The following TCEAL9 variants were observed in gnomAD, a reference collection of about 807,000 sequenced individuals.
The protein encoded by TCEAL9 is transcription elongation factor A like 9.
Under a neutral mutation model 5.2 loss-of-function variants are expected in TCEAL9, and 2 were observed. That is an observed-to-expected ratio of 0.38 (90% CI 0.16 to 1.21). The LOEUF is 1.21. TCEAL9 is among the 50% of genes most tolerant of loss of function. TCEAL9 has a pLI of 0.35. For missense variants in TCEAL9, 76 were observed against 74.2 expected, an observed-to-expected ratio of 1.02 and a Z score of -0.09; for synonymous variants, 26 against 22.3, an observed-to-expected ratio of 1.17 and a Z score of -0.47.
chrX:103,357,892 A>T lies in TCEAL9; in HGVS notation c.208A>T (p.Met70Leu), dbSNP rs1353811222. The change falls in exon 3 of 3, where the codon ATG becomes TTG. Residue 70 changes from methionine to leucine, a missense_variant. Transcript: ENST00000372661. ...IHNRHLSNED[M>L]FREVDEIDEI... Reference sequence around the variant, plus strand: ...CAACAGGCATTTAAGCAATGAAGATATGTTTAGAGAAGTGGATGAAATAGA... The same window carrying T: ...CAACAGGCATTTAAGCAATGAAGATTTGTTTAGAGAAGTGGATGAAATAGA... The T allele has an allele frequency of 2.5e-6, 3 of 1,210,445 alleles. No homozygotes were observed. The African/African-American group carries it at 5.2e-5, about 21-fold the overall frequency.
chrX:103,356,809 A>G (rs1464802987), intron 1 of TCEAL9: 1 of 110,697 alleles, frequency 9.0e-6, no homozygotes, highest in East Asian at 2.8e-4. Context: ...ATCCTCTGCT[A>G]TCTAAGACTG....
At chrX:103,356,725 C>G (rs1368463970) in intron 1 of TCEAL9, 119 bp downstream of exon 1, 1 of 110,529 alleles carries the variant, frequency 9.0e-6, no homozygotes, top group Non-Finnish European at 1.9e-5. Context: ...TCTACGGGAA[C>G]TGATGACCCT....
chrX:103,357,965 TTAATCG>T lies in TCEAL9; in HGVS notation c.282_287del (p.Arg96_Asn97del). 1 of 1,210,566 alleles carries T rather than the reference TTAATCG, an allele frequency of 8.3e-7. No homozygotes were observed. Among genetic ancestry groups the T allele is most frequent in the Non-Finnish European group, 1.1e-6 (1 of 894,970 alleles). On this transcript the variant is annotated inframe_deletion, in exon 3 of 3. Transcript: ENST00000372661. ...AAACTTATAGTGATGCGTTGGAAGG[TTAATCG>T]AAACCATCCTTACCCCTATTTAATG... is the stretch of plus-strand genomic sequence containing the variant.
Position 103,357,620 on chromosome X carries a change from A to G in TCEAL9, c.-65A>G. On this transcript the variant is annotated 5_prime_UTR_variant, in exon 3 of 3. Coordinates refer to ENST00000372661, the MANE Select transcript of TCEAL9 (RefSeq NM_016303.3). The stretch of plus-strand genomic sequence containing the variant: ...GTCTTCTTTTTGCTTTCTAGAAGTC[A>G]TTGTATTCAAAGAAGAATAAGCAAG... 1 of 1,114,378 alleles carries G rather than the reference A, an allele frequency of 9.0e-7. No individual in the cohort carries two copies. The highest frequency in any genetic ancestry group is 1.2e-6 in the Non-Finnish European group (1 of 849,543). 91.8% of individuals were successfully genotyped at this position (1,114,378 alleles called of 1,213,427 possible). A position where few individuals can be genotyped will look rare whatever the true frequency, so the allele number is the denominator to read the frequency against.
At position 103,358,161 on chromosome X, in the gene TCEAL9, A is replaced by C. The variant is rs1028902419; in HGVS notation, c.*162A>C. The C allele has an allele frequency of 3.8e-5, 16 of 426,051 alleles. No homozygotes were observed. Among genetic ancestry groups the C allele is most frequent in the Non-Finnish European group, 6.2e-5 (16 of 259,893 alleles). 35.1% of individuals were successfully genotyped at this position (426,051 alleles called of 1,213,427 possible). On this transcript the variant is annotated 3_prime_UTR_variant, in exon 3 of 3. Transcript: ENST00000372661. ...CATCTCATTGTTTATTGTATTTTGA[A>C]CCAATCTACAAGTCTCTGTCTTTTA...
In TCEAL9 at chrX:103,357,779, A is replaced by G. The variant is rs1224083148; in HGVS notation, c.95A>G (p.Glu32Gly). Residue 32 changes from glutamate (E) to glycine (G), a missense_variant, in exon 3 of 3, where the codon GAG (glutamate) becomes GGG (glycine). Coordinates refer to ENST00000372661, the MANE Select transcript of TCEAL9 (RefSeq NM_016303.3). The part of the protein sequence containing the change: ...EPKPEEKPEE[E>G]EKLEEEAKAK... Reference sequence around the variant, plus strand: ...AAGCCTGAGGAAAAGCCAGAAGAGGAGGAGAAGCTAGAGGAGGAGGCCAAA... The same window carrying G: ...AAGCCTGAGGAAAAGCCAGAAGAGGGGGAGAAGCTAGAGGAGGAGGCCAAA... The G allele has an allele frequency of 2.5e-6, 3 of 1,211,932 alleles. No homozygotes were observed. Among genetic ancestry groups the G allele is most frequent in the Non-Finnish European group, 3.3e-6 (3 of 895,603 alleles).
chrX:103,357,785 A>C lies in TCEAL9; in HGVS notation c.101A>C (p.Lys34Thr). Reference sequence around the variant, plus strand: ...GAGGAAAAGCCAGAAGAGGAGGAGAAGCTAGAGGAGGAGGCCAAAGCAAAA... The same window carrying C: ...GAGGAAAAGCCAGAAGAGGAGGAGACGCTAGAGGAGGAGGCCAAAGCAAAA... The part of the protein sequence containing the change: ...KPEEKPEEEE[K>T]LEEEAKAKGT... The change falls in exon 3 of 3, where the codon AAG (lysine) becomes ACG (threonine). Residue 34 changes from lysine (K) to threonine (T), a missense_variant. Lys to Thr is a moderately conservative substitution (Grantham distance 78). Transcript: ENST00000372661. 8.3e-7 allele frequency: 1 copy of C among 1,209,949 alleles called. No individual in the cohort carries two copies. Among genetic ancestry groups the C allele is most frequent in the Non-Finnish European group, 1.1e-6 (1 of 895,284 alleles).
chrX:103,357,169 A>G lies in TCEAL9; in HGVS notation c.-71+8A>G, dbSNP rs1926892828. The G allele has an allele frequency of 9.0e-6, 1 of 110,814 alleles. No homozygotes were observed. The highest frequency in any genetic ancestry group is 1.9e-5 in the Non-Finnish European group (1 of 53,559). The allele number at this position is 110,814 out of a possible 1,213,427, so 9.1% of individuals were successfully genotyped here. A position where few individuals can be genotyped will look rare whatever the true frequency, so the allele number is the denominator to read the frequency against. On this transcript the variant is annotated splice_region_variant and intron_variant, in intron 2 of 2. Coordinates refer to ENST00000372661, the MANE Select transcript of TCEAL9 (RefSeq NM_016303.3). ...TGACCCGATCAGTGCCAGGTAGGTG[A>G]GAGGAATATTATAAAGTCTCCTGGG... is the stretch of plus-strand genomic sequence containing the variant.
chrX:103,357,315 T>C (rs1051711428), intron 2 of TCEAL9, 154 bp downstream of exon 2: 1 of 122,644 alleles, frequency 8.2e-6, no homozygotes, highest in African/African-American at 3.3e-5. Context: ...CAGCCACCTT[T>C]CTCTTTTCTG....
In TCEAL9 at chrX:103,358,247, G is replaced by A. The variant is rs973107310; in HGVS notation, c.*248G>A. ...CTTGGTAAGATATAAAATGGAAAAA[G>A]GCTAAGTAATATGTGAATATCATAT... On this transcript the variant is annotated 3_prime_UTR_variant, in exon 3 of 3. Coordinates refer to ENST00000372661, the MANE Select transcript of TCEAL9 (RefSeq NM_016303.3). 1 of 261,088 alleles carries A rather than the reference G, an allele frequency of 3.8e-6. No homozygotes were observed. The highest frequency in any genetic ancestry group is 7.0e-6 in the Non-Finnish European group (1 of 142,769). The allele number at this position is 261,088 out of a possible 1,213,427, so 21.5% of individuals were successfully genotyped here.
rs1365153383 is a variant in TCEAL9 at position 103,356,533 on chromosome X, C to T, written c.-223C>T. 1 of 111,299 alleles carries T rather than the reference C, an allele frequency of 9.0e-6. No individual in the cohort carries two copies. The highest frequency in any genetic ancestry group is 1.9e-5 in the Non-Finnish European group (1 of 53,040). The allele number at this position is 111,299 out of a possible 1,213,427, so 9.2% of individuals were successfully genotyped here. A position where few individuals can be genotyped will look rare whatever the true frequency, so the allele number is the denominator to read the frequency against. Reference sequence around the variant, plus strand: ...TCTGGTCCTTGTTCCCGTCTGGATACCAGCTTCCTTCAGCAGCGCAGGCGG... The same window carrying T: ...TCTGGTCCTTGTTCCCGTCTGGATATCAGCTTCCTTCAGCAGCGCAGGCGG... On this transcript the variant is annotated 5_prime_UTR_variant, in exon 1 of 3. Coordinates refer to ENST00000372661, the MANE Select transcript of TCEAL9 (RefSeq NM_016303.3).
At chrX:103,357,035 G>C (rs1370701232) in intron 1 of TCEAL9, 48 bp from the exon 2 acceptor site, 1 of 110,384 alleles carries the variant, frequency 9.1e-6, no homozygotes, top group Non-Finnish European at 1.9e-5. Context: ...GGCGCTGGTC[G>C]GCCCACCAAG....
chrX:103,357,330 G>C, intron 2 of TCEAL9, 169 bp downstream of exon 2: 1 of 133,023 alleles, frequency 7.5e-6, no homozygotes, highest in Non-Finnish European at 1.5e-5. Context: ...TTTCTGGCCT[G>C]GTCCCTGTGT....
rs1159513839 is a variant in TCEAL9, at chrX:103,358,166, TCTA to T, written c.*169_*171del. 2.5e-6 allele frequency: 1 copy of T among 392,577 alleles called. No homozygotes were observed. Among genetic ancestry groups the T allele is most frequent in the Non-Finnish European group, 4.2e-6 (1 of 236,406 alleles). The allele number at this position is 392,577 out of a possible 1,213,427, so 32.4% of individuals were successfully genotyped here. A position where few individuals can be genotyped will look rare whatever the true frequency, so the allele number is the denominator to read the frequency against. On this transcript the variant is annotated 3_prime_UTR_variant, in exon 3 of 3. Coordinates refer to ENST00000372661, the MANE Select transcript of TCEAL9 (RefSeq NM_016303.3). ...CATTGTTTATTGTATTTTGAACCAA[TCTA>T]CAAGTCTCTGTCTTTTAATAAAAGA...
chrX:103,357,913 A>C lies in TCEAL9; in HGVS notation c.229A>C (p.Ile77Leu), dbSNP rs1290236689. 2 of 1,210,643 alleles carry C rather than the reference A, an allele frequency of 1.7e-6. No homozygotes were observed. Among genetic ancestry groups the C allele is most frequent in the African/African-American group, 1.7e-5 (1 of 57,369 alleles). Residue 77 changes from isoleucine to leucine, a missense_variant, in exon 3 of 3, where the codon ATA (isoleucine) becomes CTA (leucine). By Grantham distance (5) the Ile-to-Leu change is conservative (BLOSUM62 2). Coordinates refer to ENST00000372661, the MANE Select transcript of TCEAL9 (RefSeq NM_016303.3). ...NEDMFREVDE[I>L]DEIRRVRNKL... is the part of the protein sequence containing the mutation. ...AGATATGTTTAGAGAAGTGGATGAAATAGATGAGATAAGGAGAGTCAGAAA... is the reference window on the plus strand; with the variant it reads ...AGATATGTTTAGAGAAGTGGATGAACTAGATGAGATAAGGAGAGTCAGAAA...
At chrX:103,357,318 C>G (rs1385913185) in intron 2 of TCEAL9, 157 bp downstream of exon 2, 1 of 122,218 alleles carries the variant, frequency 8.2e-6, no homozygotes, top group Non-Finnish European at 1.7e-5. Flanking sequence ...CCACCTTTCT[C>G]TTTTCTGGCC....
chrX:103,358,105 T>A lies in TCEAL9; in HGVS notation c.*106T>A. 1.4e-6 allele frequency: 1 copy of A among 726,469 alleles called. No individual in the cohort carries two copies. The highest frequency in any genetic ancestry group is 2.0e-6 in the Non-Finnish European group (1 of 508,652). The allele number at this position is 726,469 out of a possible 1,213,427, so 59.9% of individuals were successfully genotyped here. On this transcript the variant is annotated 3_prime_UTR_variant, in exon 3 of 3. Coordinates refer to ENST00000372661, the MANE Select transcript of TCEAL9 (RefSeq NM_016303.3). Reference sequence around the variant, plus strand: ...ATTTCTACTTATAACCTGTTGCTATTAATGGTTTTAGATGTATCTCTTGTT... The same window carrying A: ...ATTTCTACTTATAACCTGTTGCTATAAATGGTTTTAGATGTATCTCTTGTT...
In TCEAL9 at chrX:103,357,773, A is replaced by AAGAGGAGGAGAAGCT; in HGVS notation, c.100_114dup (p.Lys34_Glu38dup). ...GAGCCAAAGCCTGAGGAAAAGCCAG[A>AAGAGGAGGAGAAGCT]AGAGGAGGAGAAGCTAGAGGAGGAG... On this transcript the variant is annotated inframe_insertion, in exon 3 of 3. Coordinates refer to ENST00000372661, the MANE Select transcript of TCEAL9 (RefSeq NM_016303.3). The AAGAGGAGGAGAAGCT allele has an allele frequency of 2.5e-6, 3 of 1,212,045 alleles. No individual in the cohort carries two copies. The highest frequency in any genetic ancestry group is 2.2e-6 in the Non-Finnish European group (2 of 895,601).
chrX:103,357,705 G>A lies in TCEAL9; in HGVS notation c.21G>A (p.Met7Ile). MKSCQK[M>I]EGKPENESEP... The stretch of plus-strand genomic sequence containing the variant: ...ACAAGATGAAATCCTGTCAAAAAAT[G>A]GAAGGAAAACCAGAAAATGAGAGTG... Residue 7 changes from methionine (M) to isoleucine (I), a missense_variant, in exon 3 of 3, where the codon ATG becomes ATA. By Grantham distance (10) the Met-to-Ile change is conservative. Transcript: ENST00000372661. The A allele has an allele frequency of 1.7e-6, 2 of 1,205,645 alleles. No individual in the cohort carries two copies. Among genetic ancestry groups the A allele is most frequent in the Non-Finnish European group, 2.2e-6 (2 of 893,309 alleles).
Sources: allele counts gnomAD v4.1 joint callset, GRCh38; gene constraint gnomAD v4.1.1; transcripts MANE v1.5; gene names NCBI Gene and HGNC (gene_info 2026-07-23, HGNC 2026-07-21).